N4BP2: variants seen among roughly 807,000 people sequenced by gnomAD.
N4BP2 encodes NEDD4-binding protein 2.
Under a neutral mutation model 152.8 loss-of-function variants are expected in N4BP2, and 91 were observed. The ratio of observed to expected loss-of-function variants is 0.60; its 90% CI spans 0.50 to 0.71. The LOEUF (loss-of-function observed/expected upper bound fraction) is 0.71. N4BP2 is among the 30% of genes least tolerant of loss of function. N4BP2 has a pLI of 0.00. For synonymous variants in N4BP2, 646 were observed against 705.3 expected (o/e 0.92, Z 1.33); for missense variants, 1,923 against 2,059.1 (o/e 0.93, Z 1.28).
Position 40,121,087 on chromosome 4 carries a change from A to G in N4BP2, c.2976A>G (p.Pro992=). Residue 992 remains proline (P), a synonymous_variant, in exon 9 of 18, where the codon CCA becomes CCG. Transcript: ENST00000261435. ...CAACTGTTTCTGGAGTAGTAGAACC[A>G]CAAACGTTAGCTGAATGTCAAGAGC... ...SAPTVSGVVE[P]QTLAECQEQM... 1 of 1,614,132 alleles carries G rather than the reference A, an allele frequency of 6.2e-7. No individual in the cohort carries two copies. Among genetic ancestry groups the G allele is most frequent in the Middle Eastern group, 1.6e-4 (1 of 6,062 alleles).
intron 7 of N4BP2, among the ~76,000 whole-genome samples, chr4:40,114,505 T>A (rs1717179948): frequency 6.6e-6 from 1 of 152,242 alleles, no homozygotes. Context: ...TGGCATCTTT[T>A]CACTTAGCTT....
At chr4:40,150,082 T>A (rs947148375) in intron 16 of N4BP2, among the ~76,000 whole-genome samples, 2 of 152,158 alleles carry the variant, frequency 1.3e-5, no homozygotes, top group African/African-American at 4.8e-5. Flanking sequence ...TATTGTTGAA[T>A]AGAAATGAAT....
chr4:40,107,093 G>T, intron 5 of N4BP2, 69 bp downstream of exon 5: 1 of 1,521,148 alleles, frequency 6.6e-7, no homozygotes, highest in Admixed American at 1.8e-5. Context: ...CTTAGTATTT[G>T]TTTGTGTGTT....
At chr4:40,077,907 G>A (rs532836777) in intron 2 of N4BP2, 2 of 152,182 alleles carry the variant, frequency 1.3e-5, no homozygotes, top group East Asian at 3.9e-4. Context: ...CCTAAAATTG[G>A]AATGATACAG....
intron 2 of N4BP2, among the ~76,000 whole-genome samples, chr4:40,083,752 G>A (rs944687082): frequency 3.3e-5 from 5 of 152,140 alleles, no homozygotes; most frequent in South Asian, 4.1e-4. Flanking sequence ...TGGAATTAGT[G>A]GTGATGGTTG....
chr4:40,073,642 G>A (rs1026322251), intron 2 of N4BP2, 91 bp downstream of exon 2: 1 of 150,900 alleles, frequency 6.6e-6, no homozygotes, highest in African/African-American at 2.4e-5. Context: ...CACCTAAGCT[G>A]AAGTACAGTG....
intron 1 of N4BP2, among the ~76,000 whole-genome samples, chr4:40,058,769 GT>G (rs1044447005): frequency 1.0e-4 from 15 of 148,570 alleles, no homozygotes; most frequent in East Asian, 3.9e-4. Context: ...CTAGTTGCAT[GT>G]TTTTTTTTTA....
At chr4:40,117,573 AC>A (rs1328260914) in intron 7 of N4BP2, among the ~76,000 whole-genome samples, 2 of 152,218 alleles carry the variant, frequency 1.3e-5, no homozygotes, top group African/African-American at 2.4e-5. Flanking sequence ...ATAATAAAAA[AC>A]ATTTTTGAAA....
chr4:40,110,211 A>C (rs144702681), intron 5 of N4BP2, among the ~76,000 whole-genome samples: 2 of 152,196 alleles, frequency 1.3e-5, no homozygotes. Context: ...TTATTAATCT[A>C]TTCATCAGTT....
At chr4:40,170,439 C>T in the N4BP2 span, among the ~76,000 whole-genome samples, 1 of 151,838 alleles carries the variant, frequency 6.6e-6, no homozygotes. Context: ...GGCAACATGA[C>T]GATACCCTGT....
chr4:40,101,239 CT>C (rs1168155560), intron 3 of N4BP2, among the ~76,000 whole-genome samples: 2 of 152,200 alleles, frequency 1.3e-5, no homozygotes, highest in Non-Finnish European at 2.9e-5. Context: ...TCACTACCAC[CT>C]CTGCCTCCCG....
rs145365383 is a variant in N4BP2, at chr4:40,148,077, C to T, written c.5143+3277C>T. The stretch of plus-strand genomic sequence containing the variant: ...GCCGGGCAGAGGCTGCAATCTCCGG[C>T]ACTTTGGGAGGCCAGGGCAGGCGGC... On this transcript the variant is annotated intron_variant, in intron 16 of 17. Coordinates refer to ENST00000261435, the MANE Select transcript of N4BP2 (RefSeq NM_018177.6). 7.6e-3 allele frequency among the ~76,000 whole-genome samples: 1,162 copies of T among 152,318 alleles called. 57 individuals are homozygous for T. In the East Asian group the frequency reaches 0.13, roughly 17 times the overall value.
chr4:40,081,679 A>G (rs1416090807), intron 2 of N4BP2, among the ~76,000 whole-genome samples: 2 of 152,042 alleles, frequency 1.3e-5, no homozygotes. Context: ...CTACAGTTAA[A>G]TATTATCCAA....
downstream of N4BP2, among the ~76,000 whole-genome samples, chr4:40,159,337 A>G (rs973739264): frequency 2.0e-5 from 3 of 152,208 alleles, no homozygotes; most frequent in Non-Finnish European, 2.9e-5. Context: ...GAAAAACCCA[A>G]AATACTAATG....
At chr4:40,105,015 G>C (rs2109967513) in intron 4 of N4BP2, among the ~76,000 whole-genome samples, 1 of 152,182 alleles carries the variant, frequency 6.6e-6, no homozygotes, top group Non-Finnish European at 1.5e-5. Flanking sequence ...TGTTAGCCGG[G>C]ATGGTCTTGA....
At chr4:40,177,496 A>G in the N4BP2 span, among the ~76,000 whole-genome samples, 3 of 152,078 alleles carry the variant, frequency 2.0e-5, no homozygotes, top group Admixed American at 1.3e-4. Flanking sequence ...GGTGCCTGTA[A>G]TCCCAGCTAC....
At chr4:40,185,744 C>T in the N4BP2 span, among the ~76,000 whole-genome samples, 1 of 152,056 alleles carries the variant, frequency 6.6e-6, no homozygotes, top group South Asian at 2.1e-4. Flanking sequence ...CAGGAAGGTA[C>T]TCATTTAGGA....
intron 5 of N4BP2, among the ~76,000 whole-genome samples, chr4:40,109,739 A>C (rs994368228): frequency 6.6e-6 from 1 of 152,046 alleles, no homozygotes. Context: ...AAGTGTTAGC[A>C]TGGTTCAGCA....
At position 40,096,223 on chromosome 4, in the gene N4BP2, A is replaced by G. The variant is rs373975176; in HGVS notation, c.-114-1004A>G. ...ACAATACGTATGTAAAACATATGCT[A>G]TGTAAGAAAACAATAAGTCCTATGG... On this transcript the variant is annotated intron_variant, in intron 2 of 17. Transcript: ENST00000261435. Among the ~76,000 whole-genome samples, 24 of 152,312 alleles carry G rather than the reference A, an allele frequency of 1.6e-4. No individual in the cohort carries two copies. In the South Asian group the frequency reaches 5.0e-3, roughly 32 times the overall value.
Sources: allele counts gnomAD v4.1 joint callset (sites outside exome capture counted in the v4.1 genomes callset), GRCh38; gene constraint gnomAD v4.1.1; transcripts MANE v1.5; gene names NCBI Gene and HGNC (gene_info 2026-07-23, HGNC 2026-07-21).